The following PPP1R3A variants were observed in gnomAD, a reference collection of about 807,000 sequenced individuals.
PPP1R3A encodes the protein RG1.
A neutral mutation model predicts 41.7 loss-of-function variants in PPP1R3A; 29 were observed. That is an observed-to-expected ratio of 0.70 (90% CI 0.52 to 0.95). The LOEUF (loss-of-function observed/expected upper bound fraction) is 0.95, where lower values mean the gene tolerates loss of function less well. PPP1R3A is among the 40% of genes least tolerant of loss of function. PPP1R3A has a pLI of 0.00. For missense variants in PPP1R3A, 1,352 were observed against 1,292.4 expected, an observed-to-expected ratio of 1.05 and a Z score of -0.71; for synonymous variants, 485 against 453.4, an observed-to-expected ratio of 1.07 and a Z score of -0.89.
intron 1 of PPP1R3A, among the ~76,000 whole-genome samples, chr7:113,891,084 CAAAAAAAAAAAAAA>C (rs11342726): frequency 1.6e-4 from 13 of 79,790 alleles, no homozygotes; most frequent in African/African-American, 6.2e-4. Context: ...GGAAAAAAAG[CAAAAAAAAAAAAAA>C]AAAAAAAAAA....
At chr7:113,910,326 G>A (rs1797223440) in intron 1 of PPP1R3A, among the ~76,000 whole-genome samples, 1 of 152,010 alleles carries the variant, frequency 6.6e-6, no homozygotes, top group South Asian at 2.1e-4. Flanking sequence ...GCAAAGGATA[G>A]AATTAGATAG....
intron 1 of PPP1R3A, among the ~76,000 whole-genome samples, chr7:113,908,830 T>A (rs1187046699): frequency 6.6e-6 from 1 of 151,952 alleles, no homozygotes; most frequent in Non-Finnish European, 1.5e-5. Flanking sequence ...TGAAATTATG[T>A]CCTTTGCAAC....
chr7:113,913,526 G>T (rs1797287767), intron 1 of PPP1R3A, among the ~76,000 whole-genome samples: 1 of 151,996 alleles, frequency 6.6e-6, no homozygotes, highest in African/African-American at 2.4e-5. Flanking sequence ...AAGTCATTTA[G>T]GACTTTATTT....
Position 113,878,156 on chromosome 7 carries a change from C to T in PPP1R3A, c.2936G>A (p.Ser979Asn), listed in dbSNP as rs1242693279. 1.2e-6 allele frequency: 2 copies of T among 1,613,090 alleles called. No individual in the cohort carries two copies. The highest frequency in any genetic ancestry group is 1.7e-6 in the Non-Finnish European group (2 of 1,179,544). The change falls in exon 4 of 4, where the codon AGT becomes AAT. Residue 979 changes from serine to asparagine, a missense_variant. Physicochemically the swap from Ser to Asn is conservative, Grantham distance 46 (BLOSUM62 1). Coordinates refer to ENST00000284601, the MANE Select transcript of PPP1R3A (RefSeq NM_002711.4). The part of the protein sequence containing the change: ...PESKPEEVSR[S>N]SGIVTSGSRK... ...ACTACCTGATGTCACTATTCCTGAA[C>T]TTCTGGAAACTTCTTCAGGTTTAGA...
intron 1 of PPP1R3A, among the ~76,000 whole-genome samples, chr7:113,885,654 A>G (rs1326498109): frequency 1.3e-5 from 2 of 151,800 alleles, no homozygotes; most frequent in Non-Finnish European, 2.9e-5. Context: ...ATATTATACA[A>G]CAATCAAAAT....
chr7:113,918,324 T>C lies in PPP1R3A; in HGVS notation c.673A>G (p.Thr225Ala). Residue 225 changes from threonine (T) to alanine (A), a missense_variant, in exon 1 of 4, where the codon ACA becomes GCA. Transcript: ENST00000284601. ...VGTFWSNNNGTNYTFICQKKE... is the reference protein window; with the variant it reads ...VGTFWSNNNGANYTFICQKKE... ...TTTTGACAAATGAATGTATAATTTG[T>C]GCCATTATTATTTGACCAAAATGTA... 1.2e-6 allele frequency: 2 copies of C among 1,613,182 alleles called. No individual in the cohort carries two copies. Among genetic ancestry groups the C allele is most frequent in the South Asian group, 2.2e-5 (2 of 91,014 alleles).
chr7:113,900,697 T>G (rs1797047449), intron 1 of PPP1R3A, among the ~76,000 whole-genome samples: 1 of 148,552 alleles, frequency 6.7e-6, no homozygotes, highest in Non-Finnish European at 1.5e-5. Context: ...TATATAGTGA[T>G]TTATATATAT....
chr7:113,877,486 T>G lies in PPP1R3A; in HGVS notation c.*237A>C, dbSNP rs1796586179. On this transcript the variant is annotated 3_prime_UTR_variant, in exon 4 of 4. Transcript: ENST00000284601. ...GCTAAGGAGCAACAGCTGTACCTAA[T>G]TTCAACTTGACGTGCTTCAGATCTC... is the stretch of plus-strand genomic sequence containing the variant. The G allele has an allele frequency of 2.5e-6, 1 of 392,462 alleles. No individual in the cohort carries two copies. Among genetic ancestry groups the G allele is most frequent in the South Asian group, 7.8e-5 (1 of 12,798 alleles). 24.3% of individuals were successfully genotyped at this position (392,462 alleles called of 1,614,324 possible). A position where few individuals can be genotyped will look rare whatever the true frequency, so the allele number is the denominator to read the frequency against.
At chr7:113,883,691 A>G (rs1006360492) in intron 1 of PPP1R3A, among the ~76,000 whole-genome samples, 3 of 151,938 alleles carry the variant, frequency 2.0e-5, no homozygotes, top group African/African-American at 7.2e-5. Context: ...CTCCATGTAC[A>G]TGTTTATGTG....
chr7:113,909,976 T>C (rs141910139), intron 1 of PPP1R3A, among the ~76,000 whole-genome samples: 46 of 152,218 alleles, frequency 3.0e-4, no homozygotes, highest in African/African-American at 8.2e-4. Context: ...AGAGGTTTAA[T>C]GGACTTACAG....
chr7:113,894,695 T>C (rs764426393), intron 1 of PPP1R3A, among the ~76,000 whole-genome samples: 5 of 151,956 alleles, frequency 3.3e-5, no homozygotes, highest in Non-Finnish European at 5.9e-5. Flanking sequence ...TTTGTGATTG[T>C]ATAAAAAATC....
At chr7:113,903,777 C>A (rs993443036) in intron 1 of PPP1R3A, among the ~76,000 whole-genome samples, 1 of 151,676 alleles carries the variant, frequency 6.6e-6, no homozygotes, top group African/African-American at 2.4e-5. Context: ...CAAGACTGTA[C>A]AACTCTTTTT....
chr7:113,879,753 C>G lies in PPP1R3A; in HGVS notation c.1339G>C (p.Gly447Arg). The G allele has an allele frequency of 6.2e-7, 1 of 1,613,336 alleles. No homozygotes were observed. Among genetic ancestry groups the G allele is most frequent in the Non-Finnish European group, 8.5e-7 (1 of 1,179,704 alleles). The stretch of plus-strand genomic sequence containing the variant: ...CAAGGTATTTGCACTGTGCCATTGC[C>G]ATGGGCTGGATTAGCATTATCATCC... ...VLDDNANPAHGNGTVQIPCPS... is the reference protein window; with the variant it reads ...VLDDNANPAHRNGTVQIPCPS... The change falls in exon 4 of 4, where the codon GGC (glycine) becomes CGC (arginine). Residue 447 changes from glycine (G) to arginine (R), a missense_variant. Transcript: ENST00000284601.
rs1411904311 is a variant in PPP1R3A at position 113,918,666 on chromosome 7, CAAACAGTGGGGCTA to C, written c.317_330del (p.Leu106Ter). 1.2e-6 allele frequency: 2 copies of C among 1,613,516 alleles called. No homozygotes were observed. The highest frequency in any genetic ancestry group is 2.7e-5 in the African/African-American group (2 of 74,880). Reference sequence around the variant, plus strand: ...AGATCTTCTTTTGAAGAAGGCAAGTCAAACAGTGGGGCTAAAACATATTCTTCTGTGTGGAAAAT... The same window carrying C: ...AGATCTTCTTTTGAAGAAGGCAAGTCAAACATATTCTTCTGTGTGGAAAAT... On this transcript the variant is annotated frameshift_variant, in exon 1 of 4. Coordinates refer to ENST00000284601, the MANE Select transcript of PPP1R3A (RefSeq NM_002711.4). LOFTEE classifies it high-confidence loss of function.
chr7:113,908,008 T>C (rs2129119848), intron 1 of PPP1R3A, among the ~76,000 whole-genome samples: 1 of 151,926 alleles, frequency 6.6e-6, no homozygotes, highest in African/African-American at 2.4e-5. Flanking sequence ...AAAATGTTGC[T>C]AGAAATACTG....
At chr7:113,918,065 C>G in intron 1 of PPP1R3A, 150 bp downstream of exon 1, 1 of 732,658 alleles carries the variant, frequency 1.4e-6, no homozygotes, top group Non-Finnish European at 2.2e-6. Context: ...ATTTGAATAG[C>G]TTTGACCTTG....
intron 1 of PPP1R3A, among the ~76,000 whole-genome samples, chr7:113,892,610 T>C (rs923568697): frequency 1.3e-5 from 2 of 152,014 alleles, no homozygotes; most frequent in Non-Finnish European, 2.9e-5. Flanking sequence ...AGAGGAACAT[T>C]TGATTAAAAG....
At position 113,905,069 on chromosome 7, in the gene PPP1R3A, A is replaced by C. The variant is rs1384332217; in HGVS notation, c.782+13146T>G. Among the ~76,000 whole-genome samples, 3 of 151,794 alleles carry C rather than the reference A, an allele frequency of 2.0e-5. No individual in the cohort carries two copies. In the East Asian group the frequency reaches 5.8e-4, roughly 30 times the overall value. On this transcript the variant is annotated intron_variant, in intron 1 of 3. Transcript: ENST00000284601. Reference sequence around the variant, plus strand: ...TGGAGACTTCAGCTTTTGTACAATGAAGTTCGCATGAGTATTAGGAAAAAT... The same window carrying C: ...TGGAGACTTCAGCTTTTGTACAATGCAGTTCGCATGAGTATTAGGAAAAAT...
rs763361365 is a variant in PPP1R3A at position 113,879,581 on chromosome 7, CCTT to C, written c.1508_1510del (p.Glu503del). 1.2e-6 allele frequency: 2 copies of C among 1,611,438 alleles called. No individual in the cohort carries two copies. The highest frequency in any genetic ancestry group is 1.3e-5 in the African/African-American group (1 of 74,802). On this transcript the variant is annotated inframe_deletion, in exon 4 of 4. Transcript: ENST00000284601. ...GCCATAATAATCTTCCTTAGAAGAT[CCTT>C]CTTCTGTTGATTCTTTGAGACATGC...
Sources: gnomAD v4.1 joint callset for allele counts (sites outside exome capture counted in the v4.1 genomes callset) on GRCh38, gnomAD v4.1.1 for gene constraint, MANE v1.5 for transcripts, NCBI Gene and HGNC (gene_info 2026-07-23, HGNC 2026-07-21) for gene names.